Variants in YEATS2 observed in about 807,000 individuals in gnomAD.
The protein encoded by YEATS2 is YEATS domain containing 2, also known as YEATS domain-containing protein 2.
In YEATS2, 77 loss-of-function variants were observed where a neutral mutation model predicts 163.2. The ratio of observed to expected loss-of-function variants is 0.47; its 90% CI spans 0.39 to 0.57. The LOEUF is 0.57. Ranked by LOEUF, YEATS2 falls within the 20% of genes least tolerant of loss-of-function variation. YEATS2 has a pLI of 0.00. For synonymous variants in YEATS2, 631 were observed against 645.1 expected, an observed-to-expected ratio of 0.98 and a Z score of 0.33; for missense variants, 1,549 against 1,729.8, an observed-to-expected ratio of 0.90 and a Z score of 1.85.
At chr3:183,793,691 C>T (rs1334352353) in intron 21 of YEATS2, among the ~76,000 whole-genome samples, 3 of 145,208 alleles carry the variant, frequency 2.1e-5, no homozygotes, top group Non-Finnish European at 3.0e-5. Flanking sequence ...TGGCTCACTG[C>T]GACCTCTGCC....
rs1222276411 is a variant in YEATS2 at position 183,738,689 on chromosome 3, G to A, written c.924+1860G>A. ...GTTCTTGTGATAGTTTACTGAGAATGATGATTTCCAATTTCATCCATGTCC... is the reference window on the plus strand; with the variant it reads ...GTTCTTGTGATAGTTTACTGAGAATAATGATTTCCAATTTCATCCATGTCC... On this transcript the variant is annotated intron_variant, in intron 8 of 30. Transcript: ENST00000305135. Among the ~76,000 whole-genome samples the A allele has an allele frequency of 3.6e-5, 5 of 139,104 alleles. No individual in the cohort carries two copies. In the East Asian group the frequency reaches 1.1e-3, roughly 29 times the overall value. The allele number at this position is 139,104 out of a possible 152,430, so 91.3% of individuals were successfully genotyped here. A position where few individuals can be genotyped will look rare whatever the true frequency, so the allele number is the denominator to read the frequency against.
At chr3:183,751,998 A>C (rs1237757344) in intron 9 of YEATS2, 75 bp from the exon 10 acceptor site, 19 of 1,524,028 alleles carry the variant, frequency 1.2e-5, no homozygotes, top group Non-Finnish European at 1.8e-6. Context: ...CGGAGATTAC[A>C]TTCTTGGACG....
At chr3:183,699,478 C>T (rs148458601) in intron 1 of YEATS2, among the ~76,000 whole-genome samples, 4 of 151,294 alleles carry the variant, frequency 2.6e-5, no homozygotes, top group African/African-American at 9.7e-5. Context: ...TTTGAGAGAC[C>T]GAGGCGGGTC....
chr3:183,775,681 C>A (rs1034251421), intron 17 of YEATS2, among the ~76,000 whole-genome samples: 2 of 152,126 alleles, frequency 1.3e-5, no homozygotes, highest in African/African-American at 4.8e-5. Flanking sequence ...GTACTCAGAG[C>A]CGAAATACAG....
intron 29 of YEATS2, 44 bp from the exon 30 acceptor site, chr3:183,809,053 C>A: frequency 6.2e-7 from 1 of 1,604,482 alleles, no homozygotes. Context: ...TTCTTGCCAG[C>A]AAGCAGATGG....
rs374352359 is a variant in YEATS2, at chr3:183,747,690, G to A, written c.943G>A (p.Gly315Ser). The A allele has an allele frequency of 6.2e-7, 1 of 1,613,000 alleles. No homozygotes were observed. The highest frequency in any genetic ancestry group is 1.3e-5 in the African/African-American group (1 of 74,894). ...TCCATAGCTGGATAGAACTTATACTGGCTTGCAGACTCTTGGAGCAGAGAC... is the reference window on the plus strand; with the variant it reads ...TCCATAGCTGGATAGAACTTATACTAGCTTGCAGACTCTTGGAGCAGAGAC... ...HNLKLDRTYT[G>S]LQTLGAETVV... is the part of the protein sequence containing the mutation. The change falls in exon 9 of 31, where the codon GGC (glycine) becomes AGC (serine). Residue 315 changes from glycine (G) to serine (S), a missense_variant. By Grantham distance (56) the Gly-to-Ser change is moderately conservative. Coordinates refer to ENST00000305135, the MANE Select transcript of YEATS2 (RefSeq NM_018023.5).
At position 183,784,738 on chromosome 3, in the gene YEATS2, T is replaced by A. The variant is rs530791053; in HGVS notation, c.2737-1387T>A. 1.8e-4 allele frequency among the ~76,000 whole-genome samples: 27 copies of A among 150,004 alleles called. 1 individual carries two copies. The South Asian group carries it at 5.7e-3, about 32-fold the overall frequency. On this transcript the variant is annotated intron_variant, in intron 19 of 30. Transcript: ENST00000305135. ...TAGAGCCGAGGAGTTGCAACAGAGG[T>A]CCTACGGCCTGAAAGCCAAAATTGC...
At chr3:183,801,589 A>C in intron 25 of YEATS2, 61 bp downstream of exon 25, 1 of 1,312,110 alleles carries the variant, frequency 7.6e-7, no homozygotes, top group Non-Finnish European at 1.1e-6. Context: ...TAAGGTATTG[A>C]GTCAACTGAA....
chr3:183,715,224 C>T lies in YEATS2; in HGVS notation c.62C>T (p.Ala21Val), dbSNP rs760788739. 1 of 1,611,486 alleles carries T rather than the reference C, an allele frequency of 6.2e-7. No individual in the cohort carries two copies. Among genetic ancestry groups the T allele is most frequent in the Non-Finnish European group, 8.5e-7 (1 of 1,179,502 alleles). The change falls in exon 2 of 31, where the codon GCC becomes GTC. Residue 21 changes from alanine (A) to valine (V), a missense_variant. Physicochemically the swap from Ala to Val is moderately conservative, Grantham distance 64. Coordinates refer to ENST00000305135, the MANE Select transcript of YEATS2 (RefSeq NM_018023.5). Reference protein sequence around the residue: ...TDPDYEDVSVALPNKRHKAIE... With the variant: ...TDPDYEDVSVVLPNKRHKAIE... ...CCTGATTACGAGGATGTATCTGTGGCCCTTCCAAATAAGCGGCATAAAGCA... is the reference window on the plus strand; with the variant it reads ...CCTGATTACGAGGATGTATCTGTGGTCCTTCCAAATAAGCGGCATAAAGCA...
At chr3:183,736,671 T>A in intron 7 of YEATS2, 47 bp from the exon 8 acceptor site, 1 of 1,465,492 alleles carries the variant, frequency 6.8e-7, no homozygotes. Context: ...CTGTGTAGGA[T>A]GAGAGAGTGA....
intron 7 of YEATS2, among the ~76,000 whole-genome samples, chr3:183,732,414 C>T (rs1439775443): frequency 6.6e-6 from 1 of 151,480 alleles, no homozygotes; most frequent in Non-Finnish European, 1.5e-5. Flanking sequence ...GATCATGCCA[C>T]TGCACTCCAG....
At chr3:183,773,300 A>G (rs948396534) in intron 16 of YEATS2, among the ~76,000 whole-genome samples, 5 of 152,204 alleles carry the variant, frequency 3.3e-5, no homozygotes, top group Admixed American at 3.3e-4. Context: ...TCCAAACCAC[A>G]GTACTTTGGA....
At chr3:183,731,592 A>G (rs1717784781) in intron 7 of YEATS2, among the ~76,000 whole-genome samples, 1 of 152,200 alleles carries the variant, frequency 6.6e-6, no homozygotes, top group Admixed American at 6.5e-5. Flanking sequence ...AGAAGTCTTT[A>G]CTAATCTGTG....
At chr3:183,804,234 C>A in intron 27 of YEATS2, 46 bp downstream of exon 27, 2 of 1,607,394 alleles carry the variant, frequency 1.2e-6, no homozygotes, top group Admixed American at 1.7e-5. Flanking sequence ...AGCCTGGAGG[C>A]ATTTGCTGAG....
intron 21 of YEATS2, chr3:183,793,218 C>T (rs1724826753): frequency 2.4e-6 from 3 of 1,250,718 alleles, no homozygotes; most frequent in Non-Finnish European, 3.1e-6. Context: ...CCCCTTACTG[C>T]CTTTGGATAA....
At chr3:183,708,112 A>C (rs752952362) in intron 1 of YEATS2, among the ~76,000 whole-genome samples, 1 of 151,344 alleles carries the variant, frequency 6.6e-6, no homozygotes, top group Non-Finnish European at 1.5e-5. Context: ...AAATCTTTCA[A>C]GTGTCTAATT....
intron 17 of YEATS2, 135 bp from the exon 18 acceptor site, chr3:183,775,780 G>A: frequency 7.3e-7 from 1 of 1,373,460 alleles, no homozygotes; most frequent in Non-Finnish European, 1.0e-6. Flanking sequence ...GTAGATTACA[G>A]AAAAGACGGA....
intron 6 of YEATS2, among the ~76,000 whole-genome samples, chr3:183,726,696 CT>C (rs1330568472): frequency 1.3e-5 from 2 of 152,134 alleles, no homozygotes; most frequent in East Asian, 3.8e-4. Flanking sequence ...TATGCTATCT[CT>C]TTGTGATTTT....
chr3:183,715,363 A>T, intron 2 of YEATS2, 101 bp downstream of exon 2: 1 of 843,660 alleles, frequency 1.2e-6, no homozygotes, highest in Non-Finnish European at 1.9e-6. Flanking sequence ...GTTATGTATA[A>T]TTTGAAGGGG....
Sources: gnomAD v4.1 joint callset for allele counts (sites outside exome capture counted in the v4.1 genomes callset) on GRCh38, gnomAD v4.1.1 for gene constraint, MANE v1.5 for transcripts, NCBI Gene and HGNC (gene_info 2026-07-23, HGNC 2026-07-21) for gene names.